The following CACNA1C variants were observed in gnomAD, a reference collection of about 807,000 sequenced individuals.
CACNA1C encodes the protein calcium voltage-gated channel subunit alpha1 C.
A neutral mutation model predicts 229.0 loss-of-function variants in CACNA1C; 30 were observed. The ratio of observed to expected loss-of-function variants is 0.13; its 90% CI spans 0.10 to 0.18. The LOEUF is 0.18. Ranked by LOEUF, CACNA1C falls within the 10% of genes least tolerant of loss-of-function variation. CACNA1C has a pLI of 1.00. For missense variants in CACNA1C, 1,658 were observed against 2,845.0 expected (o/e 0.58, Z 9.49); for synonymous variants, 1,114 against 1,132.5 (o/e 0.98, Z 0.33).
intron 3 of CACNA1C, among the ~76,000 whole-genome samples, chr12:2,293,561 T>G (rs950524447): frequency 6.6e-6 from 1 of 152,184 alleles, no homozygotes; most frequent in Admixed American, 6.5e-5. Context: ...GTATGAGATT[T>G]TTCTTGCATT....
intron 3 of CACNA1C, among the ~76,000 whole-genome samples, chr12:2,326,815 T>G (rs1400872661): frequency 2.0e-5 from 3 of 152,238 alleles, no homozygotes; most frequent in African/African-American, 7.2e-5. Context: ...GAATGGCTCC[T>G]GCTGGAAGGT....
At chr12:2,565,294 C>CT (rs745483176) in intron 11 of CACNA1C, among the ~76,000 whole-genome samples, 7 of 151,256 alleles carry the variant, frequency 4.6e-5, no homozygotes, top group Non-Finnish European at 1.0e-4. Context: ...AGGTGAAACC[C>CT]GTCTCTACTA....
chr12:2,378,095 C>G (rs2098127481), intron 3 of CACNA1C, among the ~76,000 whole-genome samples: 2 of 152,092 alleles, frequency 1.3e-5, no homozygotes, highest in Non-Finnish European at 2.9e-5. Context: ...CACTGGACTC[C>G]CATACCCTTC....
At chr12:2,056,857 A>G (rs1394972460) in intron 1 of CACNA1C, among the ~76,000 whole-genome samples, 3 of 152,226 alleles carry the variant, frequency 2.0e-5, no homozygotes, top group African/African-American at 7.2e-5. Context: ...TTTCCATAGA[A>G]TACACACTAA....
At chr12:1,993,201 C>A (rs761142720) in intron 1 of CACNA1C, 3 of 1,610,722 alleles carry the variant, frequency 1.9e-6, no homozygotes, top group Non-Finnish European at 1.7e-6. Flanking sequence ...AAACACTGTA[C>A]AATTTTAAAC....
intron 3 of CACNA1C, among the ~76,000 whole-genome samples, chr12:2,336,279 C>T (rs917606461): frequency 2.6e-4 from 39 of 152,114 alleles, no homozygotes; most frequent in Non-Finnish European, 4.9e-4. Context: ...TCTACTTTGC[C>T]GATTTCCAAA....
intron 3 of CACNA1C, among the ~76,000 whole-genome samples, chr12:2,425,716 T>C (rs551449041): frequency 1.3e-4 from 20 of 152,338 alleles, no homozygotes; most frequent in African/African-American, 3.6e-4. Context: ...TTTGCAATGC[T>C]AAGCTTTTTA....
chr12:2,058,697 C>T (rs764505841), intron 1 of CACNA1C, among the ~76,000 whole-genome samples: 8 of 152,082 alleles, frequency 5.3e-5, no homozygotes, highest in African/African-American at 9.7e-5. Flanking sequence ...TTAGATACCA[C>T]GTAAAACAAG....
At chr12:2,000,211 T>C (rs530041888) in intron 1 of CACNA1C, among the ~76,000 whole-genome samples, 1 of 152,324 alleles carries the variant, frequency 6.6e-6, no homozygotes, top group Admixed American at 6.5e-5. Flanking sequence ...TAGAAAGTAT[T>C]TGGTATTATC....
chr12:1,987,647 C>T (rs780148118), intron 1 of CACNA1C, among the ~76,000 whole-genome samples: 1 of 152,206 alleles, frequency 6.6e-6, no homozygotes, highest in East Asian at 1.9e-4. Context: ...CATGTATGTA[C>T]CATTTCTTGA....
rs531595027 is a variant in CACNA1C, at chr12:2,328,429, A to G, written c.478-120547A>G. On this transcript the variant is annotated intron_variant, in intron 3 of 46. Coordinates refer to ENST00000399655, the MANE Select transcript of CACNA1C (RefSeq NM_000719.7). The stretch of plus-strand genomic sequence containing the variant: ...TTTAATTTGTCCAAAGGTGTGACTT[A>G]GTACTGACCCCAGAATGGGTGTTAG... Among the ~76,000 whole-genome samples the G allele has an allele frequency of 4.6e-5, 7 of 152,346 alleles. No individual in the cohort carries two copies. In the South Asian group the frequency reaches 1.4e-3, roughly 32 times the overall value.
At chr12:2,490,332 T>C (rs920095870) in intron 6 of CACNA1C, among the ~76,000 whole-genome samples, 1 of 152,258 alleles carries the variant, frequency 6.6e-6, no homozygotes, top group Non-Finnish European at 1.5e-5. Flanking sequence ...CTGTTTGTGA[T>C]GTTTCAGGAA....
intron 3 of CACNA1C, among the ~76,000 whole-genome samples, chr12:2,356,947 C>T (rs766079630): frequency 1.6e-4 from 25 of 152,318 alleles, no homozygotes; most frequent in African/African-American, 3.4e-4. Flanking sequence ...ATGCCTTGGC[C>T]GTTCTAGAGT....
rs1480576422 is a variant in CACNA1C, at chr12:2,348,221, G to A, written c.478-100755G>A. 6.6e-6 allele frequency among the ~76,000 whole-genome samples: 1 copy of A among 152,176 alleles called. No individual in the cohort carries two copies. The highest frequency in any genetic ancestry group is 1.5e-5 in the Non-Finnish European group (1 of 68,016). ...GTGCAGCGAGGCGCCAGCTGTGCCT[G>A]ACTCCTGAGGCCTTCTGCTCACCGG... On this transcript the variant is annotated intron_variant, in intron 3 of 46. Transcript: ENST00000399655. This position sits in a 1 kb window ranked among gnomAD's most constrained non-coding sequence, Gnocchi z 4.7.
At position 2,417,266 on chromosome 12, in the gene CACNA1C, G is replaced by A. The variant is rs149926134; in HGVS notation, c.478-31710G>A. Among the ~76,000 whole-genome samples, 63 of 152,286 alleles carry A rather than the reference G, an allele frequency of 4.1e-4. No individual in the cohort carries two copies. The East Asian group carries it at 0.01, about 24-fold the overall frequency. On this transcript the variant is annotated intron_variant, in intron 3 of 46. Coordinates refer to ENST00000399655, the MANE Select transcript of CACNA1C (RefSeq NM_000719.7). ...CGGGTTGTATCTGTGGCTCCCGCCC[G>A]GTGATGTCCTGTCATGATCAGCTTC...
In CACNA1C at chr12:2,115,318, T is replaced by C. The variant is rs2083406685; in HGVS notation, c.144T>C (p.Ala48=). ...LAPEHIPTPG[A]ALSWQAAIDA... ...CTGAGCACATCCCCACCCCGGGGGC[T>C]GCCCTGTCGTGGCAGGCGGCCATCG... Residue 48 remains alanine (A), a synonymous_variant, in exon 2 of 47, where the codon GCT becomes GCC. Transcript: ENST00000399655. The C allele has an allele frequency of 2.5e-6, 4 of 1,594,874 alleles. No homozygotes were observed. Among genetic ancestry groups the C allele is most frequent in the Non-Finnish European group, 3.4e-6 (4 of 1,172,656 alleles).
intron 3 of CACNA1C, among the ~76,000 whole-genome samples, chr12:2,121,513 G>A (rs577713465): frequency 6.6e-6 from 1 of 152,310 alleles, no homozygotes; most frequent in South Asian, 2.1e-4. Flanking sequence ...CAGGTAAGGT[G>A]TTCACCGCCT....
chr12:2,283,694 G>A (rs189113304), intron 3 of CACNA1C, among the ~76,000 whole-genome samples: 52 of 152,274 alleles, frequency 3.4e-4, no homozygotes, highest in Non-Finnish European at 5.7e-4. Context: ...GTGCTGATTC[G>A]GGAGATCCAG....
chr12:2,565,020 A>G (rs1035131814), intron 11 of CACNA1C, among the ~76,000 whole-genome samples: 38 of 152,158 alleles, frequency 2.5e-4, no homozygotes, highest in Non-Finnish European at 4.3e-4. Flanking sequence ...CATGTCGTCT[A>G]CTGAATTCAA....
Sources: allele counts gnomAD v4.1 joint callset (sites outside exome capture counted in the v4.1 genomes callset), GRCh38; gene constraint gnomAD v4.1.1; non-coding constraint Gnocchi (gnomAD v3.1); transcripts MANE v1.5; gene names NCBI Gene and HGNC (gene_info 2026-07-23, HGNC 2026-07-21).